Variants in PHF8 observed in about 807,000 individuals in gnomAD.
PHF8 encodes the protein histone lysine demethylase PHF8.
In PHF8, 9 loss-of-function variants were observed where a neutral mutation model predicts 74.4. The observed-to-expected ratio is 0.12, with a 90% confidence interval of 0.07 to 0.21. The LOEUF is 0.21. Among genes scored for constraint, PHF8 ranks in the 10% least tolerant of loss-of-function variants. The pLI is 1.00. For missense variants in PHF8, 478 were observed against 816.6 expected, an observed-to-expected ratio of 0.59 and a Z score of 5.05; for synonymous variants, 311 against 316.6, an observed-to-expected ratio of 0.98 and a Z score of 0.19.
intron 2 of PHF8, among the ~76,000 whole-genome samples, chrX:54,042,375 G>T (rs1432203822): frequency 1.1e-5 from 1 of 87,311 alleles, no homozygotes; most frequent in Non-Finnish European, 2.1e-5. Flanking sequence ...AAAGAAAAGG[G>T]GGGGGGGGTC....
chrX:54,045,194 C>A, upstream of PHF8: 1 of 259,118 alleles, frequency 3.9e-6, no homozygotes, highest in Non-Finnish European at 6.8e-6. Flanking sequence ...GCACCTGTCC[C>A]ACAATTTTCT....
chrX:54,002,694 CA>C lies in PHF8; in HGVS notation c.947-13del. 1.7e-6 allele frequency: 2 copies of C among 1,148,798 alleles called. No homozygotes were observed. Among genetic ancestry groups the C allele is most frequent in the Non-Finnish European group, 2.4e-6 (2 of 838,242 alleles). The allele number at this position is 1,148,798 out of a possible 1,213,427, so 94.7% of individuals were successfully genotyped here. A position where few individuals can be genotyped will look rare whatever the true frequency, so the allele number is the denominator to read the frequency against. The stretch of plus-strand genomic sequence containing the variant: ...AGCATGGATCCACCCTGCAGTGTAA[CA>C]AGGCAAAATCAAAGCTGGAAGAGGG... On this transcript the variant is annotated splice_polypyrimidine_tract_variant and intron_variant, in intron 8 of 21. Coordinates refer to ENST00000338154, the MANE Select transcript of PHF8 (RefSeq NM_015107.3).
At chrX:54,047,152 G>A (rs1310327175), upstream of PHF8, among the ~76,000 whole-genome samples, 1 of 112,093 alleles carries the variant, frequency 8.9e-6, no homozygotes, top group African/African-American at 3.2e-5. Flanking sequence ...CACTAGTGTT[G>A]GGGGGAAAAA....
At chrX:54,031,848 C>G (rs1428328545) in intron 2 of PHF8, among the ~76,000 whole-genome samples, 3 of 111,828 alleles carry the variant, frequency 2.7e-5, no homozygotes, top group Non-Finnish European at 5.6e-5. Context: ...ATTAGAAACA[C>G]CTGGTAAGCT....
chrX:53,971,152 C>T (rs1403505840), intron 18 of PHF8, among the ~76,000 whole-genome samples: 1 of 111,706 alleles, frequency 9.0e-6, no homozygotes, highest in Non-Finnish European at 1.9e-5. Flanking sequence ...GACCACAGCA[C>T]AATAAAATTA....
rs1389229600 is a variant in PHF8, at chrX:53,962,945, G to C, written c.2444-6C>G. On this transcript the variant is annotated splice_region_variant and splice_polypyrimidine_tract_variant and intron_variant, in intron 18 of 21. Coordinates refer to ENST00000338154, the MANE Select transcript of PHF8 (RefSeq NM_015107.3). ...AGACTCCAGTGAAGGATAGACTGCA[G>C]GGAGAAGGGAAAACAGGGTAAAATG... The C allele has an allele frequency of 9.2e-7, 1 of 1,082,964 alleles. No homozygotes were observed. The highest frequency in any genetic ancestry group is 1.3e-6 in the Non-Finnish European group (1 of 779,596). 89.2% of individuals were successfully genotyped at this position (1,082,964 alleles called of 1,213,427 possible). A position where few individuals can be genotyped will look rare whatever the true frequency, so the allele number is the denominator to read the frequency against.
chrX:53,959,863 CAA>C (rs782111007), intron 19 of PHF8, among the ~76,000 whole-genome samples: 6 of 23,106 alleles, frequency 2.6e-4, no homozygotes, highest in African/African-American at 6.8e-4. Flanking sequence ...GTTTCTGCCT[CAA>C]AAAAAAAAAA....
In PHF8 at chrX:53,938,030, C is replaced by G; in HGVS notation, c.*1128G>C. ...CAACTTGGGCTCGTGAATGGCCTGT[C>G]TGCATTCTGCTTGAACGATGACCTG... On this transcript the variant is annotated 3_prime_UTR_variant, in exon 22 of 22. Coordinates refer to ENST00000338154, the MANE Select transcript of PHF8 (RefSeq NM_015107.3). 8.6e-7 allele frequency: 1 copy of G among 1,165,497 alleles called. No homozygotes were observed. The highest frequency in any genetic ancestry group is 1.1e-6 in the Non-Finnish European group (1 of 872,349).
chrX:53,954,377 G>A (rs782529749), intron 19 of PHF8, among the ~76,000 whole-genome samples: 6 of 106,987 alleles, frequency 5.6e-5, no homozygotes, highest in Non-Finnish European at 1.2e-4. Context: ...GCAGGTGCCT[G>A]TAGTCCCAGC....
chrX:54,010,041 C>T (rs1312901255), intron 8 of PHF8, among the ~76,000 whole-genome samples: 3 of 109,209 alleles, frequency 2.7e-5, no homozygotes, highest in African/African-American at 6.7e-5. Context: ...TGGCTGGGTG[C>T]GGTGGCTCAC....
chrX:54,018,895 C>T (rs1392118524), intron 4 of PHF8, among the ~76,000 whole-genome samples: 1 of 111,822 alleles, frequency 8.9e-6, no homozygotes, highest in Non-Finnish European at 1.9e-5. Flanking sequence ...GCTGGGATTA[C>T]AGGCATGAGC....
chrX:53,942,234 C>T (rs1296145184), intron 20 of PHF8, among the ~76,000 whole-genome samples: 6 of 111,651 alleles, frequency 5.4e-5, no homozygotes, highest in Non-Finnish European at 1.1e-4. Context: ...ACTTAGCCAA[C>T]CCATAATGAT....
At chrX:53,967,418 C>T (rs2065223713) in intron 18 of PHF8, among the ~76,000 whole-genome samples, 1 of 106,882 alleles carries the variant, frequency 9.4e-6, no homozygotes, top group African/African-American at 3.4e-5. Flanking sequence ...TGAGGGGCGC[C>T]TCTGCCCGGC....
At chrX:54,007,984 A>C (rs1444512137) in intron 8 of PHF8, among the ~76,000 whole-genome samples, 1 of 112,438 alleles carries the variant, frequency 8.9e-6, no homozygotes, top group Non-Finnish European at 1.9e-5. Context: ...CATAACAGCC[A>C]AAAAGTGCAA....
intron 18 of PHF8, among the ~76,000 whole-genome samples, chrX:53,965,763 A>C (rs781880729): frequency 1.8e-5 from 2 of 112,268 alleles, no homozygotes; most frequent in South Asian, 7.4e-4. Flanking sequence ...AGATGACTGC[A>C]GTTCATAACA....
At chrX:53,972,321 C>CAAAAAAAA (rs1236817498) in intron 18 of PHF8, among the ~76,000 whole-genome samples, 4 of 34,154 alleles carry the variant, frequency 1.2e-4, no homozygotes, top group African/African-American at 2.0e-4. Context: ...GACGCTGTCT[C>CAAAAAAAA]AAAAAAAAAA....
chrX:54,010,659 A>G (rs2065970224), intron 8 of PHF8, among the ~76,000 whole-genome samples: 1 of 111,351 alleles, frequency 9.0e-6, no homozygotes, highest in Admixed American at 9.6e-5. Context: ...ACTCTCCCCA[A>G]ATTGAGACAA....
At chrX:53,954,422 C>G (rs1350913074) in intron 19 of PHF8, among the ~76,000 whole-genome samples, 1 of 101,281 alleles carries the variant, frequency 9.9e-6, no homozygotes, top group Non-Finnish European at 2.0e-5. Flanking sequence ...ATGACGTGAA[C>G]CCAGGAGGCG....
chrX:53,960,164 C>T (rs915383859), intron 19 of PHF8, among the ~76,000 whole-genome samples: 7 of 108,644 alleles, frequency 6.4e-5, no homozygotes, highest in Non-Finnish European at 9.6e-5. Flanking sequence ...CAAGCTCCAC[C>T]TCTCAGGTTC....
Sources: gnomAD v4.1 joint callset for allele counts (sites outside exome capture counted in the v4.1 genomes callset) on GRCh38, gnomAD v4.1.1 for gene constraint, MANE v1.5 for transcripts, NCBI Gene and HGNC (gene_info 2026-07-23, HGNC 2026-07-21) for gene names.